CEP112: variants seen among roughly 807,000 people sequenced by gnomAD.
CEP112 encodes centrosomal protein of 112 kDa.
A neutral mutation model predicts 153.0 loss-of-function variants in CEP112; 127 were observed. The observed-to-expected ratio is 0.83, with a 90% confidence interval of 0.72 to 0.96. The LOEUF (loss-of-function observed/expected upper bound fraction) is 0.96. Among genes scored for constraint, CEP112 ranks in the 40% least tolerant of loss-of-function variants. The pLI, the probability that CEP112 is intolerant of heterozygous loss-of-function variation, is 0.00. For missense variants in CEP112, 1,089 were observed against 1,101.2 expected, an observed-to-expected ratio of 0.99 and a Z score of 0.16; for synonymous variants, 358 against 374.4, an observed-to-expected ratio of 0.96 and a Z score of 0.51.
chr17:65,686,113 C>CTTTTT (rs35816434), intron 24 of CEP112, among the ~76,000 whole-genome samples: 5 of 104,324 alleles, frequency 4.8e-5, no homozygotes, highest in East Asian at 2.9e-4. Flanking sequence ...AAACAACTGG[C>CTTTTT]TTTTTTTTTT....
chr17:65,640,154 A>ATATATTTTTT (rs1300751452), intron 25 of CEP112, among the ~76,000 whole-genome samples: 3 of 78,348 alleles, frequency 3.8e-5, no homozygotes, highest in African/African-American at 1.4e-4. Context: ...ATATATATAT[A>ATATATTTTTT]TTTTTTTTTT....
At chr17:65,743,680 G>A (rs1017644726) in intron 22 of CEP112, among the ~76,000 whole-genome samples, 4 of 152,036 alleles carry the variant, frequency 2.6e-5, no homozygotes, top group Non-Finnish European at 5.9e-5. Flanking sequence ...ACTAATGTTT[G>A]TGTATTGTGT....
chr17:65,993,394 A>G (rs2063666937), intron 17 of CEP112, among the ~76,000 whole-genome samples: 1 of 152,186 alleles, frequency 6.6e-6, no homozygotes, highest in African/African-American at 2.4e-5. Flanking sequence ...TGGTGCTGCA[A>G]TGAACATATG....
At chr17:66,053,914 AC>A (rs1568436926) in intron 11 of CEP112, 35 bp from the exon 12 acceptor site, 1 of 1,561,182 alleles carries the variant, frequency 6.4e-7, no homozygotes, top group East Asian at 2.3e-5. Flanking sequence ...CTCTTTTACT[AC>A]TATGGAATTG....
chr17:65,729,001 G>T (rs1052934023), intron 23 of CEP112, among the ~76,000 whole-genome samples: 12 of 151,990 alleles, frequency 7.9e-5, no homozygotes, highest in Non-Finnish European at 1.5e-4. Flanking sequence ...TAAACTTTTT[G>T]ACTCTTTGGT....
chr17:66,129,562 G>A (rs1202901753), intron 6 of CEP112, among the ~76,000 whole-genome samples, 184 bp downstream of exon 6: 1 of 151,998 alleles, frequency 6.6e-6, no homozygotes, highest in African/African-American at 2.4e-5. Context: ...TGGGGACAGG[G>A]ACTATTTTAT....
chr17:65,954,895 T>A (rs1436248333), intron 18 of CEP112, among the ~76,000 whole-genome samples: 1 of 152,198 alleles, frequency 6.6e-6, no homozygotes, highest in African/African-American at 2.4e-5. Flanking sequence ...GAATAATTGG[T>A]GTTCCTGAGG....
At chr17:65,742,014 A>C (rs1322724994) in intron 23 of CEP112, among the ~76,000 whole-genome samples, 1 of 151,786 alleles carries the variant, frequency 6.6e-6, no homozygotes, top group Non-Finnish European at 1.5e-5. Context: ...AAAAAAAAAA[A>C]GTCCTCAATG....
intron 23 of CEP112, among the ~76,000 whole-genome samples, chr17:65,708,154 T>A (rs1000330729): frequency 6.6e-6 from 1 of 152,170 alleles, no homozygotes; most frequent in Non-Finnish European, 1.5e-5. Context: ...CCCGCACTTT[T>A]TTTTTTTGTA....
At chr17:66,128,637 A>G (rs1434120450) in intron 6 of CEP112, among the ~76,000 whole-genome samples, 1 of 152,226 alleles carries the variant, frequency 6.6e-6, no homozygotes, top group East Asian at 1.9e-4. Flanking sequence ...GTAAGCTAAG[A>G]AAGCAATCAA....
intron 6 of CEP112, among the ~76,000 whole-genome samples, chr17:66,109,664 T>A (rs1244138718): frequency 2.0e-5 from 3 of 152,114 alleles, no homozygotes; most frequent in African/African-American, 7.2e-5. Flanking sequence ...GTAGAATCCA[T>A]TTTGGACAGT....
chr17:65,937,694 G>C (rs1335083817), intron 18 of CEP112, among the ~76,000 whole-genome samples: 1 of 98,538 alleles, frequency 1.0e-5, no homozygotes, highest in African/African-American at 3.4e-5. Context: ...CCCCTACTGG[G>C]AAGTGAGGAG....
At chr17:66,115,605 C>G (rs2069252881) in intron 6 of CEP112, among the ~76,000 whole-genome samples, 1 of 152,224 alleles carries the variant, frequency 6.6e-6, no homozygotes, top group Admixed American at 6.5e-5. Context: ...CTGAAACTGA[C>G]CAGATCACCA....
At chr17:66,153,237 C>G (rs2071282865) in intron 4 of CEP112, among the ~76,000 whole-genome samples, 1 of 152,054 alleles carries the variant, frequency 6.6e-6, no homozygotes, top group South Asian at 2.1e-4. Context: ...TTGCAATGAA[C>G]TTCCAAAACA....
chr17:65,832,521 G>A (rs1277793730), intron 21 of CEP112, among the ~76,000 whole-genome samples: 1 of 151,706 alleles, frequency 6.6e-6, no homozygotes, highest in Non-Finnish European at 1.5e-5. Context: ...CTATGGGAAT[G>A]TTACCACTGA....
intron 17 of CEP112, among the ~76,000 whole-genome samples, chr17:65,971,337 T>C (rs142767164): frequency 6.6e-6 from 1 of 150,966 alleles, no homozygotes; most frequent in Non-Finnish European, 1.5e-5. Context: ...ATATATTACA[T>C]GTATATGTAT....
rs754239419 is a variant in CEP112, at chr17:65,826,174, C to A, written c.2394+25630G>T. ...TGAGGTTAGATTTTCCTGTATCCCT[C>A]AGAGGCTTCAAACTTCCTGCCTGCT... On this transcript the variant is annotated intron_variant, in intron 21 of 26. Transcript: ENST00000535342. 6.2e-6 allele frequency: 10 copies of A among 1,614,086 alleles called. 1 individual carries two copies. The South Asian group carries it at 1.1e-4, about 18-fold the overall frequency.
At chr17:65,738,983 G>A (rs183799490) in intron 23 of CEP112, among the ~76,000 whole-genome samples, 218 of 152,244 alleles carry the variant, frequency 1.4e-3, no homozygotes, top group Admixed American at 3.0e-3. Context: ...TTGATCAATC[G>A]AATGTGGTGG....
intron 16 of CEP112, among the ~76,000 whole-genome samples, chr17:66,018,734 T>G (rs2064874328): frequency 6.6e-6 from 1 of 152,202 alleles, no homozygotes; most frequent in Non-Finnish European, 1.5e-5. Context: ...TAACTATATT[T>G]TAAGGATTGT....
Sources: gnomAD v4.1 joint callset for allele counts (sites outside exome capture counted in the v4.1 genomes callset) on GRCh38, gnomAD v4.1.1 for gene constraint, MANE v1.5 for transcripts, NCBI Gene and HGNC (gene_info 2026-07-23, HGNC 2026-07-21) for gene names.